UPF1: variants seen among roughly 807,000 people sequenced by gnomAD.
UPF1 encodes regulator of nonsense transcripts 1.
A neutral mutation model predicts 129.2 loss-of-function variants in UPF1; 9 were observed. That is an observed-to-expected ratio of 0.07 (90% CI 0.04 to 0.12). The LOEUF is 0.12. UPF1 is among the 10% of genes least tolerant of loss of function. UPF1 has a pLI of 1.00. For synonymous variants in UPF1, 649 were observed against 644.9 expected, an observed-to-expected ratio of 1.01 and a Z score of -0.10; for missense variants, 788 against 1,525.3, an observed-to-expected ratio of 0.52 and a Z score of 8.05.
intron 1 of UPF1, among the ~76,000 whole-genome samples, chr19:18,834,399 T>C (rs1177526843): frequency 6.6e-6 from 1 of 152,214 alleles, no homozygotes; most frequent in South Asian, 2.1e-4. Flanking sequence ...GTTTCTGGCA[T>C]TCCGTTTGGG....
At position 18,867,471 on chromosome 19, in the gene UPF1, C is replaced by G. The variant is rs1482345097; in HGVS notation, c.*954C>G. ...GCCAGGAGGCGAGAAGGTGGCTGTT[C>G]CCGGATTGACGGCTTTTTCCCGGGG... On this transcript the variant is annotated 3_prime_UTR_variant, in exon 24 of 24. Transcript: ENST00000262803. The G allele has an allele frequency of 6.6e-6, 1 of 152,440 alleles. No homozygotes were observed. Among genetic ancestry groups the G allele is most frequent in the East Asian group, 1.9e-4 (1 of 5,192 alleles). The allele number at this position is 152,440 out of a possible 1,614,324, so 9.4% of individuals were successfully genotyped here.
Position 18,847,844 on chromosome 19 carries a change from A to G in UPF1, c.461+11A>G, listed in dbSNP as rs1232417017. 5.6e-6 allele frequency: 9 copies of G among 1,613,492 alleles called. No homozygotes were observed. The Admixed American group carries it at 1.3e-4, about 24-fold the overall frequency. On this transcript the variant is annotated intron_variant, in intron 3 of 23. Transcript: ENST00000262803. ...AAATACTTCTGGCAGGTAGATAATC[A>G]GACCATGCATGTGTGTTTAATCAGT...
At chr19:18,847,974 C>G in intron 3 of UPF1, 141 bp downstream of exon 3, 1 of 764,650 alleles carries the variant, frequency 1.3e-6, no homozygotes, top group South Asian at 1.7e-5. Context: ...ACTGGTTTAA[C>G]TTGAAACAGA....
chr19:18,854,487 C>T (rs1320677438), intron 8 of UPF1, 114 bp from the exon 9 acceptor site: 25 of 766,054 alleles, frequency 3.3e-5, no homozygotes, highest in South Asian at 2.0e-4. Context: ...GCAGAGCCAG[C>T]GGTGTCTTAA....
At chr19:18,855,695 G>A in intron 11 of UPF1, 1 of 596,776 alleles carries the variant, frequency 1.7e-6, no homozygotes, top group Non-Finnish European at 2.8e-6. Flanking sequence ...AAAAAATTCA[G>A]AAATTAGCTG....
rs2055685059 is a variant in UPF1 at position 18,853,706 on chromosome 19, C to G, written c.1156+356C>G. Among the ~76,000 whole-genome samples, 1 of 152,236 alleles carries G rather than the reference C, an allele frequency of 6.6e-6. No homozygotes were observed. Among genetic ancestry groups the G allele is most frequent in the Admixed American group, 6.5e-5 (1 of 15,290 alleles). On this transcript the variant is annotated intron_variant, in intron 8 of 23. Coordinates refer to ENST00000262803, the MANE Select transcript of UPF1 (RefSeq NM_002911.4). The surrounding 1 kb of genome is among the most constrained non-coding windows in gnomAD (Gnocchi z 4.4). ...CAGGAGCGCCTTACCTGGACGCTGA[C>G]TCTGCACACGGAGGTTCCAGAAGCC...
Position 18,856,105 on chromosome 19 carries a change from A to G in UPF1, c.1709+16A>G. 2 of 1,611,116 alleles carry G rather than the reference A, an allele frequency of 1.2e-6. No homozygotes were observed. The highest frequency in any genetic ancestry group is 1.7e-6 in the Non-Finnish European group (2 of 1,177,692). The stretch of plus-strand genomic sequence containing the variant: ...ACATGGACAGGTGTGTGTCGAGTCC[A>G]TCCCTCCCAGTTGGTCCCTGAGCTT... On this transcript the variant is annotated intron_variant, in intron 12 of 23. Transcript: ENST00000262803.
At chr19:18,844,471 G>A (rs933197394) in intron 1 of UPF1, among the ~76,000 whole-genome samples, 9 of 149,874 alleles carry the variant, frequency 6.0e-5, no homozygotes, top group Non-Finnish European at 1.3e-4. Context: ...TTACAGGCAC[G>A]TGCCACCACG....
chr19:18,855,764 C>T, intron 11 of UPF1, 161 bp from the exon 12 acceptor site: 1 of 1,016,194 alleles, frequency 9.8e-7, no homozygotes, highest in Non-Finnish European at 1.4e-6. Context: ...GGGAGGATTG[C>T]TTGAGCCCAG....
intron 9 of UPF1, 25 bp from the exon 10 acceptor site, chr19:18,854,854 C>T (rs118159939): frequency 7.1e-4 from 1,149 of 1,612,880 alleles, no homozygotes; most frequent in Non-Finnish European, 9.4e-4. Flanking sequence ...CTGTGCGTGT[C>T]GCCAACCCCA....
intron 2 of UPF1, among the ~76,000 whole-genome samples, chr19:18,846,786 C>G (rs1312496080): frequency 6.6e-6 from 1 of 152,062 alleles, no homozygotes; most frequent in African/African-American, 2.4e-5. Context: ...GTCAGGAGAT[C>G]GAGACCATCC....
At position 18,865,821 on chromosome 19, in the gene UPF1, G is replaced by C; in HGVS notation, c.3237+43G>C. On this transcript the variant is annotated intron_variant, in intron 22 of 23. Coordinates refer to ENST00000262803, the MANE Select transcript of UPF1 (RefSeq NM_002911.4). This position sits in a 1 kb window ranked among gnomAD's most constrained non-coding sequence, Gnocchi z 6.1. ...ACGGGACTTACCTGAGTGAGGGTGG[G>C]GCTATGCACCTGAAACATTCCCTCT... 6.2e-7 allele frequency: 1 copy of C among 1,607,940 alleles called. No homozygotes were observed. Among genetic ancestry groups the C allele is most frequent in the Non-Finnish European group, 8.5e-7 (1 of 1,178,828 alleles).
At position 18,850,812 on chromosome 19, in the gene UPF1, C is replaced by A. The variant is rs202161539; in HGVS notation, c.754C>A (p.Leu252Met). 2.5e-6 allele frequency: 4 copies of A among 1,610,034 alleles called. No homozygotes were observed. The highest frequency in any genetic ancestry group is 3.4e-6 in the Non-Finnish European group (4 of 1,178,472). ...LVKIPSEQEQ[L>M]RARQITAQQI... ...CAAGATCCCCTCCGAGCAGGAGCAGCTGCGGGCACGCCAGATCACGGCACA... is the reference window on the plus strand; with the variant it reads ...CAAGATCCCCTCCGAGCAGGAGCAGATGCGGGCACGCCAGATCACGGCACA... The change falls in exon 5 of 24, where the codon CTG (leucine) becomes ATG (methionine). Residue 252 changes from leucine (L) to methionine (M), a missense_variant. Physicochemically the swap from Leu to Met is conservative, Grantham distance 15. Coordinates refer to ENST00000262803, the MANE Select transcript of UPF1 (RefSeq NM_002911.4). This position sits in a 1 kb window ranked among gnomAD's most constrained non-coding sequence, Gnocchi z 7.1.
chr19:18,846,719 G>A (rs534451599), intron 2 of UPF1, among the ~76,000 whole-genome samples: 21 of 152,232 alleles, frequency 1.4e-4, no homozygotes, highest in Admixed American at 3.9e-4. Context: ...GGCCAGGCAC[G>A]GTGGCTCACT....
chr19:18,860,448 G>T lies in UPF1; in HGVS notation c.2300+10G>T. 5 of 1,612,654 alleles carry T rather than the reference G, an allele frequency of 3.1e-6. No homozygotes were observed. Among genetic ancestry groups the T allele is most frequent in the Non-Finnish European group, 4.2e-6 (5 of 1,178,870 alleles). On this transcript the variant is annotated intron_variant, in intron 16 of 23. Transcript: ENST00000262803. ...CCTCCTACCTGAACAGGTGAGCAGG[G>T]ACAGGCCCACCGGCGTCTGCAGGTC...
At position 18,865,371 on chromosome 19, in the gene UPF1, C is replaced by T. The variant is rs1490702774; in HGVS notation, c.2940C>T (p.Asn980=). The T allele has an allele frequency of 1.2e-6, 2 of 1,614,010 alleles. No homozygotes were observed. The highest frequency in any genetic ancestry group is 1.7e-6 in the Non-Finnish European group (2 of 1,180,030). ...SAGPSHVAAM[N]IPIPFNLVMP... Reference sequence around the variant, plus strand: ...GCCCTAGCCACGTGGCTGCCATGAACATTCCCATCCCCTTCAACCTGGTCA... The same window carrying T: ...GCCCTAGCCACGTGGCTGCCATGAATATTCCCATCCCCTTCAACCTGGTCA... The change falls in exon 21 of 24, where the codon AAC becomes AAT. Residue 980 remains asparagine (N), a synonymous_variant. Coordinates refer to ENST00000262803, the MANE Select transcript of UPF1 (RefSeq NM_002911.4). This position sits in a 1 kb window ranked among gnomAD's most constrained non-coding sequence, Gnocchi z 6.1.
At chr19:18,839,217 G>T (rs1406024024) in intron 1 of UPF1, among the ~76,000 whole-genome samples, 3 of 152,016 alleles carry the variant, frequency 2.0e-5, no homozygotes, top group African/African-American at 7.3e-5. Context: ...TCAGCCTCCC[G>T]AGTAGCTGGG....
At chr19:18,834,197 A>G (rs2055459123) in intron 1 of UPF1, among the ~76,000 whole-genome samples, 1 of 152,176 alleles carries the variant, frequency 6.6e-6, no homozygotes, top group Admixed American at 6.5e-5. Flanking sequence ...TCGACTGTAT[A>G]CGCTGTCTGT....
At chr19:18,845,911 A>T (rs2055591600) in intron 1 of UPF1, 69 bp from the exon 2 acceptor site, 2 of 1,570,118 alleles carry the variant, frequency 1.3e-6, no homozygotes, top group Non-Finnish European at 1.7e-6. Flanking sequence ...AGAGTCATCG[A>T]GGCTGGTTCT....
Sources: gnomAD v4.1 joint callset for allele counts (sites outside exome capture counted in the v4.1 genomes callset) on GRCh38, gnomAD v4.1.1 for gene constraint, Gnocchi (gnomAD v3.1) non-coding constraint, MANE v1.5 for transcripts, NCBI Gene and HGNC (gene_info 2026-07-23, HGNC 2026-07-21) for gene names.